The following STK24 variants were observed in gnomAD, a reference collection of about 807,000 sequenced individuals.
STK24 encodes serine/threonine-protein kinase 24.
Under a neutral mutation model 55.6 loss-of-function variants are expected in STK24, and 21 were observed. The ratio of observed to expected loss-of-function variants is 0.38; its 90% CI spans 0.27 to 0.54. The LOEUF (loss-of-function observed/expected upper bound fraction) is 0.54. Among genes scored for constraint, STK24 ranks in the 20% least tolerant of loss-of-function variants. The pLI is 0.79. For synonymous variants in STK24, 200 were observed against 215.2 expected (o/e 0.93, Z 0.62); for missense variants, 383 against 538.4 (o/e 0.71, Z 2.86).
intron 1 of STK24, among the ~76,000 whole-genome samples, chr13:98,529,654 C>T (rs192822086): frequency 6.6e-6 from 1 of 152,084 alleles, no homozygotes; most frequent in Non-Finnish European, 1.5e-5. Flanking sequence ...GAGAATAGAT[C>T]CTTGGTTGCT....
intron 1 of STK24, among the ~76,000 whole-genome samples, chr13:98,562,326 T>C (rs1897445196): frequency 6.6e-6 from 1 of 152,178 alleles, no homozygotes; most frequent in Non-Finnish European, 1.5e-5. Context: ...AACCCCCCAC[T>C]TCACATGATT....
At chr13:98,537,664 C>A (rs554283977) in intron 1 of STK24, among the ~76,000 whole-genome samples, 3 of 152,160 alleles carry the variant, frequency 2.0e-5, no homozygotes, top group Non-Finnish European at 4.4e-5. Flanking sequence ...GAATGTGAGA[C>A]AGAAGCAAGA....
chr13:98,458,588 C>A (rs1893566579), intron 9 of STK24, among the ~76,000 whole-genome samples: 1 of 152,240 alleles, frequency 6.6e-6, no homozygotes, highest in South Asian at 2.1e-4. Context: ...TTGTCTAGGA[C>A]TCCCAATCAC....
intron 2 of STK24, among the ~76,000 whole-genome samples, chr13:98,515,083 C>T (rs2139373207): frequency 6.9e-6 from 1 of 144,204 alleles, no homozygotes; most frequent in Non-Finnish European, 1.5e-5. Flanking sequence ...ATAGCAAGCT[C>T]CTCAAAACAA....
chr13:98,470,271 C>T (rs1192181792), intron 5 of STK24, among the ~76,000 whole-genome samples: 1 of 151,236 alleles, frequency 6.6e-6, no homozygotes, highest in Non-Finnish European at 1.5e-5. Flanking sequence ...TCACCATGCC[C>T]AGCTAATTTT....
chr13:98,539,948 A>G (rs1181130804), intron 1 of STK24, among the ~76,000 whole-genome samples: 1 of 152,232 alleles, frequency 6.6e-6, no homozygotes, highest in African/African-American at 2.4e-5. Context: ...AGTAACCGCC[A>G]GTGCAAACGG....
At chr13:98,520,236 T>C (rs1330858075) in intron 1 of STK24, among the ~76,000 whole-genome samples, 2 of 152,192 alleles carry the variant, frequency 1.3e-5, no homozygotes, top group Admixed American at 6.5e-5. Flanking sequence ...CAGGGCCTGT[T>C]TGTCAGGAAA....
intron 10 of STK24, chr13:98,456,631 C>G (rs1893470577): frequency 4.4e-6 from 2 of 457,406 alleles, no homozygotes. Flanking sequence ...ATAGTGCATT[C>G]AACAGGTGGG....
chr13:98,564,048 G>A (rs9556974), intron 1 of STK24, among the ~76,000 whole-genome samples: 1 of 151,876 alleles, frequency 6.6e-6, no homozygotes, highest in African/African-American at 2.4e-5. Context: ...TAAAATAAAT[G>A]GGGGGGAGAG....
intron 1 of STK24, among the ~76,000 whole-genome samples, chr13:98,530,232 C>A (rs902010299): frequency 2.0e-5 from 3 of 152,258 alleles, no homozygotes; most frequent in African/African-American, 4.8e-5. Flanking sequence ...GAACTCCTAA[C>A]AATTTCTGAG....
chr13:98,470,035 C>G (rs1201619144), intron 5 of STK24, among the ~76,000 whole-genome samples: 1 of 152,206 alleles, frequency 6.6e-6, no homozygotes, highest in Non-Finnish European at 1.5e-5. Context: ...GTTGCTATGG[C>G]ACATTAACTT....
chr13:98,506,978 C>CA (rs1278537823), intron 2 of STK24, among the ~76,000 whole-genome samples: 1 of 152,206 alleles, frequency 6.6e-6, no homozygotes, highest in African/African-American at 2.4e-5. Flanking sequence ...TGGACACATG[C>CA]AAAGGGCGTG....
At chr13:98,530,376 G>C (rs1446504239) in intron 1 of STK24, among the ~76,000 whole-genome samples, 1 of 152,212 alleles carries the variant, frequency 6.6e-6, no homozygotes, top group African/African-American at 2.4e-5. Context: ...TTAGGTGACA[G>C]CTGCAGTCAG....
chr13:98,551,082 C>G (rs1444395108), intron 1 of STK24, among the ~76,000 whole-genome samples: 2 of 151,962 alleles, frequency 1.3e-5, no homozygotes, highest in Non-Finnish European at 1.5e-5. Flanking sequence ...GTCAGGAGAT[C>G]GAGACCATCC....
intron 3 of STK24, among the ~76,000 whole-genome samples, chr13:98,476,344 C>T (rs1894376237): frequency 6.6e-6 from 1 of 151,296 alleles, no homozygotes; most frequent in Non-Finnish European, 1.5e-5. Flanking sequence ...AGAAACGGAG[C>T]CAGACAGAGG....
At chr13:98,457,954 AAC>A (rs752919677) in intron 9 of STK24, among the ~76,000 whole-genome samples, 4 of 152,134 alleles carry the variant, frequency 2.6e-5, no homozygotes, top group Non-Finnish European at 5.9e-5. Flanking sequence ...TTTCAACCAT[AAC>A]CTTGTACCAG....
chr13:98,546,758 G>C (rs951248825), intron 1 of STK24, among the ~76,000 whole-genome samples: 3 of 152,150 alleles, frequency 2.0e-5, no homozygotes, highest in African/African-American at 7.2e-5. Flanking sequence ...CTCAGGAAGA[G>C]CCAAGAAAAT....
intron 1 of STK24, among the ~76,000 whole-genome samples, chr13:98,566,411 A>C (rs981570550): frequency 6.6e-6 from 1 of 152,196 alleles, no homozygotes; most frequent in African/African-American, 2.4e-5. Context: ...GTCGGGAGGA[A>C]GGAAAAGAAC....
intron 3 of STK24, among the ~76,000 whole-genome samples, chr13:98,478,050 A>T (rs768587564): frequency 6.6e-6 from 1 of 152,146 alleles, no homozygotes; most frequent in African/African-American, 2.4e-5. Context: ...TTGGGGGGAA[A>T]TCCTTTCTGC....
Sources: gnomAD v4.1 joint callset for allele counts (sites outside exome capture counted in the v4.1 genomes callset) on GRCh38, gnomAD v4.1.1 for gene constraint, MANE v1.5 for transcripts, NCBI Gene and HGNC (gene_info 2026-07-23, HGNC 2026-07-21) for gene names.